SLC16A10: variants seen among roughly 807,000 people sequenced by gnomAD.
SLC16A10 encodes monocarboxylate transporter 10.
Under a neutral mutation model 40.0 loss-of-function variants are expected in SLC16A10, and 27 were observed. The observed-to-expected ratio is 0.67, with a 90% CI of 0.50 to 0.93. The LOEUF (loss-of-function observed/expected upper bound fraction) is 0.93, where lower values mean the gene tolerates loss of function less well. SLC16A10 is among the 40% of genes least tolerant of loss of function. The pLI, the probability that SLC16A10 is intolerant of heterozygous loss-of-function variation, is 0.00. For missense variants in SLC16A10, 529 were observed against 658.2 expected, an observed-to-expected ratio of 0.80 and a Z score of 2.15; for synonymous variants, 213 against 249.8, an observed-to-expected ratio of 0.85 and a Z score of 1.39.
rs1771031322 is a variant in SLC16A10 at position 111,227,881 on chromosome 6, C to G, written c.*5646C>G. 1 of 152,176 alleles carries G rather than the reference C, an allele frequency of 6.6e-6. No homozygotes were observed. Among genetic ancestry groups the G allele is most frequent in the Non-Finnish European group, 1.5e-5 (1 of 68,048 alleles). 9.4% of individuals were successfully genotyped at this position (152,176 alleles called of 1,614,324 possible). ...TTTCCGTGTCCAGCTGAAAGCCCAGCTGAGTCAACTCCTGCTTCATCAGAA... is the reference window on the plus strand; with the variant it reads ...TTTCCGTGTCCAGCTGAAAGCCCAGGTGAGTCAACTCCTGCTTCATCAGAA... On this transcript the variant is annotated 3_prime_UTR_variant, in exon 6 of 6. Transcript: ENST00000368851.
chr6:111,097,960 A>T (rs1771103969), intron 1 of SLC16A10, among the ~76,000 whole-genome samples: 1 of 152,130 alleles, frequency 6.6e-6, no homozygotes, highest in Admixed American at 6.5e-5. Context: ...TTTGCTAAAG[A>T]TTAAATTGCA....
rs1349750323 is a variant in SLC16A10 at position 111,226,188 on chromosome 6, C to A, written c.*3953C>A. 2.0e-5 allele frequency: 3 copies of A among 151,662 alleles called. No individual in the cohort carries two copies. Among genetic ancestry groups the A allele is most frequent in the African/African-American group, 7.3e-5 (3 of 41,240 alleles). 9.4% of individuals were successfully genotyped at this position (151,662 alleles called of 1,614,324 possible). On this transcript the variant is annotated 3_prime_UTR_variant, in exon 6 of 6. Coordinates refer to ENST00000368851, the MANE Select transcript of SLC16A10 (RefSeq NM_018593.5). Reference sequence around the variant, plus strand: ...GTAAATGCTTTGGGGAAAAAAAAAACCATTGCCAAGTCTTTAGCATATTTT... The same window carrying A: ...GTAAATGCTTTGGGGAAAAAAAAAAACATTGCCAAGTCTTTAGCATATTTT...
At chr6:111,187,822 A>G (rs1232527661) in intron 3 of SLC16A10, among the ~76,000 whole-genome samples, 1 of 152,232 alleles carries the variant, frequency 6.6e-6, no homozygotes, top group African/African-American at 2.4e-5. Flanking sequence ...TCTTTCTTTC[A>G]TGGATCTATT....
chr6:111,144,234 C>T (rs1263360456), intron 1 of SLC16A10, among the ~76,000 whole-genome samples: 2 of 152,176 alleles, frequency 1.3e-5, no homozygotes, highest in Admixed American at 1.3e-4. Flanking sequence ...GACGGAGTCT[C>T]TCTCTGTCCC....
At chr6:111,129,820 CAGA>C (rs923591821) in intron 1 of SLC16A10, among the ~76,000 whole-genome samples, 1 of 152,208 alleles carries the variant, frequency 6.6e-6, no homozygotes, top group African/African-American at 2.4e-5. Flanking sequence ...AATCTCAATG[CAGA>C]AGGCCTGAGA....
At chr6:111,220,042 G>A (rs904081551) in intron 5 of SLC16A10, among the ~76,000 whole-genome samples, 2 of 152,196 alleles carry the variant, frequency 1.3e-5, no homozygotes, top group Non-Finnish European at 2.9e-5. Flanking sequence ...AGCCGTGATA[G>A]CACCACTGCA....
chr6:111,111,264 GTGA>G (rs1771380940), intron 1 of SLC16A10, among the ~76,000 whole-genome samples: 1 of 152,056 alleles, frequency 6.6e-6, no homozygotes, highest in Non-Finnish European at 1.5e-5. Context: ...CATGCATAAT[GTGA>G]TGTTTTGTAT....
At chr6:111,172,881 A>T in intron 2 of SLC16A10, 42 bp downstream of exon 2, 1 of 1,598,668 alleles carries the variant, frequency 6.3e-7, no homozygotes, top group Non-Finnish European at 8.5e-7. Flanking sequence ...AAAAACTGTT[A>T]GATACCTTAA....
At chr6:111,188,418 T>C (rs542152672) in intron 3 of SLC16A10, among the ~76,000 whole-genome samples, 2 of 152,280 alleles carry the variant, frequency 1.3e-5, no homozygotes, top group Non-Finnish European at 1.5e-5. Context: ...TTCAAGACTT[T>C]CAAATTTAAG....
chr6:111,210,905 C>A (rs1344450675), intron 4 of SLC16A10, among the ~76,000 whole-genome samples: 1 of 151,956 alleles, frequency 6.6e-6, no homozygotes, highest in Non-Finnish European at 1.5e-5. Flanking sequence ...CGTCTGTAGT[C>A]CCAGCTACTG....
intron 1 of SLC16A10, among the ~76,000 whole-genome samples, chr6:111,144,608 A>G (rs1772043659): frequency 6.6e-6 from 1 of 152,252 alleles, no homozygotes; most frequent in South Asian, 2.1e-4. Context: ...ATGCAAACTA[A>G]CTTATAATGG....
chr6:111,127,278 A>G (rs1203771928), intron 1 of SLC16A10, among the ~76,000 whole-genome samples: 2 of 152,214 alleles, frequency 1.3e-5, no homozygotes, highest in Non-Finnish European at 2.9e-5. Context: ...CTAGTTGGGA[A>G]GTCCTATCAC....
At chr6:111,116,461 A>C (rs1171627042) in intron 1 of SLC16A10, among the ~76,000 whole-genome samples, 1 of 151,902 alleles carries the variant, frequency 6.6e-6, no homozygotes, top group Non-Finnish European at 1.5e-5. Context: ...CAGGTGATCC[A>C]CCCACCTCAG....
intron 1 of SLC16A10, among the ~76,000 whole-genome samples, chr6:111,123,251 A>G (rs1771616181): frequency 6.6e-6 from 1 of 152,046 alleles, no homozygotes; most frequent in South Asian, 2.1e-4. Flanking sequence ...CCTGTCAAAT[A>G]TAATTCTCTC....
At chr6:111,151,302 C>T (rs939963940) in intron 1 of SLC16A10, among the ~76,000 whole-genome samples, 2 of 152,128 alleles carry the variant, frequency 1.3e-5, no homozygotes, top group African/African-American at 2.4e-5. Context: ...TTCCCCATTC[C>T]CCAAACTTGT....
At chr6:111,159,442 ATGT>A (rs906291357) in intron 1 of SLC16A10, among the ~76,000 whole-genome samples, 2 of 152,130 alleles carry the variant, frequency 1.3e-5, no homozygotes, top group Admixed American at 1.3e-4. Context: ...GTGCATGTAC[ATGT>A]TGTTGTATTT....
chr6:111,122,678 G>T (rs1263783370), intron 1 of SLC16A10, among the ~76,000 whole-genome samples: 1 of 152,154 alleles, frequency 6.6e-6, no homozygotes, highest in Non-Finnish European at 1.5e-5. Context: ...TTCTGTTTTA[G>T]GCTTTTCTTT....
chr6:111,207,213 AAAC>A (rs1562433609), intron 4 of SLC16A10, among the ~76,000 whole-genome samples: 2 of 152,258 alleles, frequency 1.3e-5, no homozygotes, highest in Admixed American at 1.3e-4. Context: ...ATTGGCAATG[AAAC>A]AACAATTTCT....
intron 3 of SLC16A10, among the ~76,000 whole-genome samples, chr6:111,184,439 G>A (rs745389566): frequency 6.6e-6 from 1 of 151,950 alleles, no homozygotes; most frequent in South Asian, 2.1e-4. Context: ...TTGCTTGCTA[G>A]CAGGGCAATT....
Sources: allele counts gnomAD v4.1 joint callset (sites outside exome capture counted in the v4.1 genomes callset), GRCh38; gene constraint gnomAD v4.1.1; transcripts MANE v1.5; gene names NCBI Gene and HGNC (gene_info 2026-07-23, HGNC 2026-07-21).